Variants in CD200R1 observed in about 807,000 individuals in gnomAD.
CD200R1 encodes CD200 receptor 1.
Under a neutral mutation model 38.1 loss-of-function variants are expected in CD200R1, and 30 were observed. That is an observed-to-expected ratio of 0.79 (90% CI 0.59 to 1.07). The LOEUF is 1.07. Among genes scored for constraint, CD200R1 ranks in the 50% least tolerant of loss-of-function variants. The pLI is 0.00. For missense variants in CD200R1, 372 were observed against 415.4 expected (o/e 0.90, Z 0.91); for synonymous variants, 128 against 152.1 (o/e 0.84, Z 1.16).
Position 112,974,766 on chromosome 3 carries a change from T to G in CD200R1, c.67+25A>C, listed in dbSNP as rs749379819. The G allele has an allele frequency of 4.0e-6, 6 of 1,510,204 alleles. No homozygotes were observed. In the Admixed American group the frequency reaches 1.0e-4, roughly 25 times the overall value. 93.6% of individuals were successfully genotyped at this position (1,510,204 alleles called of 1,614,324 possible). ...GAGCTGAGACCAGGTTTCTCACTGTTCTCCCAAAGAGAATTCAAACTTACC... is the reference window on the plus strand; with the variant it reads ...GAGCTGAGACCAGGTTTCTCACTGTGCTCCCAAAGAGAATTCAAACTTACC... On this transcript the variant is annotated intron_variant, in intron 1 of 7. Transcript: ENST00000308611.
At chr3:112,962,654 A>C (rs1933052137) in intron 1 of CD200R1, among the ~76,000 whole-genome samples, 1 of 152,140 alleles carries the variant, frequency 6.6e-6, no homozygotes, top group Non-Finnish European at 1.5e-5. Flanking sequence ...AAAATGTCCA[A>C]ATTTTATTAT....
At chr3:112,961,781 CA>C (rs1407069710) in intron 1 of CD200R1, among the ~76,000 whole-genome samples, 9 of 151,872 alleles carry the variant, frequency 5.9e-5, no homozygotes, top group Non-Finnish European at 1.2e-4. Flanking sequence ...TAATTTTCTT[CA>C]AAAAATATGC....
chr3:112,922,244 ATT>A lies in CD200R1; in HGVS notation c.*1431_*1432del, dbSNP rs1940184890. ...GATGGTATGATTGAAGAATGAATAT[ATT>A]TTGTTTCAATTTCTATCATGATGAA... On this transcript the variant is annotated 3_prime_UTR_variant, in exon 8 of 8. Transcript: ENST00000308611. The A allele has an allele frequency of 6.6e-6, 1 of 151,986 alleles. No homozygotes were observed. Among genetic ancestry groups the A allele is most frequent in the Non-Finnish European group, 1.5e-5 (1 of 67,928 alleles). 9.4% of individuals were successfully genotyped at this position (151,986 alleles called of 1,614,324 possible).
rs888685249 is a variant in CD200R1, at chr3:112,962,684, T to A, written c.67+12107A>T. 6.6e-5 allele frequency among the ~76,000 whole-genome samples: 10 copies of A among 152,068 alleles called. No individual in the cohort carries two copies. In the South Asian group the frequency reaches 8.3e-4, roughly 13 times the overall value. On this transcript the variant is annotated intron_variant, in intron 1 of 7. Coordinates refer to ENST00000308611, the MANE Select transcript of CD200R1 (RefSeq NM_138806.4). ...TATTATTAATTGGCAGCTAACTTTT[T>A]AAAAAAAATTACATGTATCAGCTAA...
chr3:112,944,242 G>A (rs993095439), intron 2 of CD200R1, among the ~76,000 whole-genome samples: 12 of 151,754 alleles, frequency 7.9e-5, no homozygotes, highest in African/African-American at 2.9e-4. Context: ...TAAATCCTCA[G>A]TAAAATATTA....
rs1013189459 is a variant in CD200R1, at chr3:112,974,938, C to A, written c.-81G>T. 5 of 1,115,590 alleles carry A rather than the reference C, an allele frequency of 4.5e-6. No individual in the cohort carries two copies. The Admixed American group carries it at 5.4e-5, about 12-fold the overall frequency. The allele number at this position is 1,115,590 out of a possible 1,614,324, so 69.1% of individuals were successfully genotyped here. A position where few individuals can be genotyped will look rare whatever the true frequency, so the allele number is the denominator to read the frequency against. ...GAAGGAACTGTGCGCATGGTGAGAC[C>A]CTCTCTGGTCAACTTCTCAGTACAG... On this transcript the variant is annotated 5_prime_UTR_variant, in exon 1 of 8. Coordinates refer to ENST00000308611, the MANE Select transcript of CD200R1 (RefSeq NM_138806.4).
chr3:112,963,124 C>A (rs1209436164), intron 1 of CD200R1, among the ~76,000 whole-genome samples: 3 of 152,200 alleles, frequency 2.0e-5, no homozygotes, highest in Non-Finnish European at 2.9e-5. Context: ...TATTGTGAGG[C>A]CTTCCCAGTC....
chr3:112,923,820 A>T, intron 7 of CD200R1, 21 bp from the exon 8 acceptor site: 1 of 1,458,764 alleles, frequency 6.9e-7, no homozygotes, highest in Non-Finnish European at 9.4e-7. Flanking sequence ...ACTCAAAGTT[A>T]AAATCAATTC....
intron 5 of CD200R1, among the ~76,000 whole-genome samples, chr3:112,926,637 C>G (rs1330942480): frequency 1.3e-5 from 2 of 152,146 alleles, no homozygotes; most frequent in Non-Finnish European, 2.9e-5. Context: ...CACAACTTCT[C>G]TTTTCAGTAA....
intron 5 of CD200R1, among the ~76,000 whole-genome samples, chr3:112,925,934 T>C (rs1012250296): frequency 6.6e-6 from 1 of 152,126 alleles, no homozygotes; most frequent in African/African-American, 2.4e-5. Flanking sequence ...CAATACAGAC[T>C]CCAGAGTTTT....
At chr3:112,956,685 T>A (rs1941106855) in intron 1 of CD200R1, among the ~76,000 whole-genome samples, 1 of 152,190 alleles carries the variant, frequency 6.6e-6, no homozygotes, top group East Asian at 1.9e-4. Context: ...TTTCCAGAGA[T>A]CCTGGGAAGA....
At chr3:112,946,078 C>G (rs1940853208) in intron 2 of CD200R1, among the ~76,000 whole-genome samples, 1 of 145,772 alleles carries the variant, frequency 6.9e-6, no homozygotes, top group South Asian at 2.3e-4. Context: ...AAGCCACATA[C>G]TAAAAAAAAA....
chr3:112,957,244 A>T (rs1487463999), intron 1 of CD200R1, among the ~76,000 whole-genome samples: 1 of 152,170 alleles, frequency 6.6e-6, no homozygotes, highest in East Asian at 1.9e-4. Flanking sequence ...TGGTTTCTTT[A>T]GCTCTTGTTA....
In CD200R1 at chr3:112,975,029, G is replaced by T. The variant is rs749537162; in HGVS notation, c.-172C>A. 13 of 575,720 alleles carry T rather than the reference G, an allele frequency of 2.3e-5. No individual in the cohort carries two copies. The highest frequency in any genetic ancestry group is 3.7e-5 in the Non-Finnish European group (12 of 322,376). 35.7% of individuals were successfully genotyped at this position (575,720 alleles called of 1,614,324 possible). ...CTAGCCCCTTCCTTCACGTCTATGT[G>T]GTTTAGCCTGGTTAGTAACTTGGAC... On this transcript the variant is annotated 5_prime_UTR_variant, in exon 1 of 8. Transcript: ENST00000308611.
At chr3:112,936,890 A>G (rs1228082735) in intron 2 of CD200R1, among the ~76,000 whole-genome samples, 2 of 152,162 alleles carry the variant, frequency 1.3e-5, no homozygotes, top group African/African-American at 2.4e-5. Flanking sequence ...GCCTGAGCCT[A>G]TGTCCTGAAT....
chr3:112,951,126 A>G (rs572307333), intron 1 of CD200R1, among the ~76,000 whole-genome samples: 1 of 152,090 alleles, frequency 6.6e-6, no homozygotes, highest in African/African-American at 2.4e-5. Context: ...TAACAACTAG[A>G]CTGATAAGGA....
In CD200R1 at chr3:112,974,886, T is replaced by G. The variant is rs1194726276; in HGVS notation, c.-29A>C. ...TGTTTTCTCTTTTTCTGCCCTTCAC[T>G]CAGTACTTTTCCTCCACACAGGTAC... On this transcript the variant is annotated 5_prime_UTR_variant, in exon 1 of 8. Transcript: ENST00000308611. 1 of 1,587,046 alleles carries G rather than the reference T, an allele frequency of 6.3e-7. No homozygotes were observed. The highest frequency in any genetic ancestry group is 8.6e-7 in the Non-Finnish European group (1 of 1,156,246).
chr3:112,961,182 G>T (rs188287474), intron 1 of CD200R1, among the ~76,000 whole-genome samples: 2 of 152,044 alleles, frequency 1.3e-5, no homozygotes, highest in South Asian at 2.1e-4. Flanking sequence ...CTGGAATCTC[G>T]CAGGGGTTAC....
chr3:112,974,401 A>ACT (rs920316827), intron 1 of CD200R1, among the ~76,000 whole-genome samples: 13 of 152,260 alleles, frequency 8.5e-5, no homozygotes, highest in Admixed American at 5.9e-4. Flanking sequence ...GCACCACTGC[A>ACT]CTCCAGCCTG....
Sources: gnomAD v4.1 joint callset for allele counts (sites outside exome capture counted in the v4.1 genomes callset) on GRCh38, gnomAD v4.1.1 for gene constraint, MANE v1.5 for transcripts, NCBI Gene and HGNC (gene_info 2026-07-23, HGNC 2026-07-21) for gene names.